RYR2: variants seen among roughly 807,000 people sequenced by gnomAD.
The protein encoded by RYR2 is cardiac muscle ryanodine receptor-calcium release channel.
In RYR2, 227 loss-of-function variants were observed where a neutral mutation model predicts 601.1. The observed-to-expected ratio is 0.38, with a 90% CI of 0.34 to 0.42. The LOEUF (loss-of-function observed/expected upper bound fraction) is 0.42, where lower values mean the gene tolerates loss of function less well. Ranked by LOEUF, RYR2 falls within the 10% of genes least tolerant of loss-of-function variation. The pLI, the probability that RYR2 is intolerant of heterozygous loss-of-function variation, is 1.00. For missense variants in RYR2, 4,646 were observed against 6,156.5 expected, an observed-to-expected ratio of 0.75 and a Z score of 8.21; for synonymous variants, 2,223 against 2,175.1, an observed-to-expected ratio of 1.02 and a Z score of -0.61.
intron 12 of RYR2, among the ~76,000 whole-genome samples, chr1:237,437,591 T>G (rs562469677): frequency 6.6e-6 from 1 of 152,256 alleles, no homozygotes; most frequent in East Asian, 1.9e-4. Flanking sequence ...AGGTGAATGA[T>G]AGTCAAGTGG....
chr1:237,301,480 T>G (rs1333460918), intron 2 of RYR2, among the ~76,000 whole-genome samples: 1 of 152,198 alleles, frequency 6.6e-6, no homozygotes, highest in East Asian at 1.9e-4. Flanking sequence ...ATTGCAAACC[T>G]TCCAAGCACT....
chr1:237,191,163 A>C (rs1277615349), intron 1 of RYR2, among the ~76,000 whole-genome samples: 5 of 152,124 alleles, frequency 3.3e-5, no homozygotes, highest in African/African-American at 1.2e-4. Context: ...ATTTTGTTGA[A>C]GAGACTGTCC....
chr1:237,107,335 C>T lies in RYR2; in HGVS notation c.48+64766C>T, dbSNP rs891390630. 4.0e-5 allele frequency among the ~76,000 whole-genome samples: 6 copies of T among 151,352 alleles called. No individual in the cohort carries two copies. The South Asian group carries it at 1.1e-3, about 27-fold the overall frequency. On this transcript the variant is annotated intron_variant, in intron 1 of 104. Coordinates refer to ENST00000366574, the MANE Select transcript of RYR2 (RefSeq NM_001035.3). ...AGGAGATCGAGACCATCCTGGCTAA[C>T]ACGGTGAAACCCCGTCTCTACTAAA... is the stretch of plus-strand genomic sequence containing the variant.
intron 40 of RYR2, among the ~76,000 whole-genome samples, chr1:237,626,557 CTTTTCT>C (rs1403979839): frequency 1.8e-3 from 101 of 57,594 alleles, no homozygotes; most frequent in Middle Eastern, 0.026. Context: ...GTGTTTCTTT[CTTTTCT>C]TTTTCTTTTT....
At chr1:237,410,412 C>T (rs916587044) in intron 10 of RYR2, among the ~76,000 whole-genome samples, 3 of 152,108 alleles carry the variant, frequency 2.0e-5, no homozygotes, top group African/African-American at 7.2e-5. Context: ...AGACCCTAGA[C>T]CCTGGATTTT....
chr1:237,798,208 T>G, intron 97 of RYR2, 38 bp downstream of exon 97: 1 of 1,573,768 alleles, frequency 6.4e-7, no homozygotes, highest in Non-Finnish European at 8.6e-7. Flanking sequence ...AGACTTAGAT[T>G]GAAAGGGGAA....
At chr1:237,497,335 A>G (rs1296092010) in intron 20 of RYR2, among the ~76,000 whole-genome samples, 1 of 152,238 alleles carries the variant, frequency 6.6e-6, no homozygotes, top group Admixed American at 6.5e-5. Flanking sequence ...ACCAGCTACC[A>G]ACTCTTAGCT....
chr1:237,117,432 G>A (rs971460091), intron 1 of RYR2, among the ~76,000 whole-genome samples: 2 of 152,036 alleles, frequency 1.3e-5, no homozygotes, highest in Non-Finnish European at 2.9e-5. Context: ...TTTGGAGGAT[G>A]GACAAGTTAG....
intron 1 of RYR2, among the ~76,000 whole-genome samples, chr1:237,135,115 G>A (rs573761809): frequency 6.6e-6 from 1 of 152,216 alleles, no homozygotes; most frequent in Non-Finnish European, 1.5e-5. Flanking sequence ...GGTAGATGAC[G>A]CATGCTTTCA....
Position 237,833,015 on chromosome 1 carries a change from T to TC in RYR2, c.*368_*369insC. 2.9e-5 allele frequency: 5 copies of TC among 172,646 alleles called. No individual in the cohort carries two copies. Among genetic ancestry groups the TC allele is most frequent in the South Asian group, 3.1e-4 (2 of 6,468 alleles). 10.7% of individuals were successfully genotyped at this position (172,646 alleles called of 1,614,324 possible). A position where few individuals can be genotyped will look rare whatever the true frequency, so the allele number is the denominator to read the frequency against. Reference sequence around the variant, plus strand: ...CAGCCACACTCACCCAGCCTCTTTATTTCACCATCCTGGAAGGAAACTGTC... The same window carrying TC: ...CAGCCACACTCACCCAGCCTCTTTATCTTCACCATCCTGGAAGGAAACTGTC... On this transcript the variant is annotated 3_prime_UTR_variant, in exon 105 of 105. Coordinates refer to ENST00000366574, the MANE Select transcript of RYR2 (RefSeq NM_001035.3).
intron 2 of RYR2, among the ~76,000 whole-genome samples, chr1:237,316,217 G>T (rs186857628): frequency 3.3e-5 from 5 of 152,066 alleles, no homozygotes; most frequent in African/African-American, 1.2e-4. Context: ...ATCAGATATG[G>T]GTATTACAGC....
intron 1 of RYR2, among the ~76,000 whole-genome samples, chr1:237,269,294 C>T (rs1400166095): frequency 2.0e-5 from 3 of 151,622 alleles, no homozygotes; most frequent in African/African-American, 7.3e-5. Flanking sequence ...CCGCCTGCCT[C>T]GGCCTCCCAA....
At chr1:237,236,719 A>G (rs1685583906) in intron 1 of RYR2, among the ~76,000 whole-genome samples, 1 of 152,190 alleles carries the variant, frequency 6.6e-6, no homozygotes, top group African/African-American at 2.4e-5. Flanking sequence ...GAGTGTAAGC[A>G]ATTTAAGATA....
chr1:237,547,719 G>T (rs147057911), intron 25 of RYR2, among the ~76,000 whole-genome samples: 6 of 152,302 alleles, frequency 3.9e-5, no homozygotes, highest in Admixed American at 2.6e-4. Context: ...TTTCAACTTT[G>T]TATTTCTTCC....
chr1:237,691,025 TTA>T (rs1199173105), intron 63 of RYR2, among the ~76,000 whole-genome samples: 1 of 152,224 alleles, frequency 6.6e-6, no homozygotes, highest in African/African-American at 2.4e-5. Context: ...CAGTCTACTT[TTA>T]TCATTTTCTT....
At chr1:237,066,679 T>C (rs1663667071) in intron 1 of RYR2, among the ~76,000 whole-genome samples, 1 of 151,076 alleles carries the variant, frequency 6.6e-6, no homozygotes, top group Non-Finnish European at 1.5e-5. Context: ...TCTCGCTCTG[T>C]CGCCCAGGCT....
chr1:237,150,126 T>C (rs1409259596), intron 1 of RYR2, among the ~76,000 whole-genome samples: 1 of 152,212 alleles, frequency 6.6e-6, no homozygotes, highest in African/African-American at 2.4e-5. Flanking sequence ...TTATTTTCCT[T>C]TGTTCCTTTC....
chr1:237,438,885 A>AT (rs1359804309), intron 12 of RYR2, among the ~76,000 whole-genome samples: 7 of 152,270 alleles, frequency 4.6e-5, no homozygotes, highest in Admixed American at 2.0e-4. Context: ...TCTTAAAAGG[A>AT]TTTTTTCCAA....
chr1:237,119,941 C>T (rs1255747088), intron 1 of RYR2, among the ~76,000 whole-genome samples: 2 of 152,184 alleles, frequency 1.3e-5, no homozygotes, highest in Non-Finnish European at 2.9e-5. Flanking sequence ...TTAAAGGACA[C>T]AGCAATCACC....
Sources: allele counts gnomAD v4.1 joint callset (sites outside exome capture counted in the v4.1 genomes callset), GRCh38; gene constraint gnomAD v4.1.1; transcripts MANE v1.5; gene names NCBI Gene and HGNC (gene_info 2026-07-23, HGNC 2026-07-21).